NEO1: variants seen among roughly 807,000 people sequenced by gnomAD.
NEO1 encodes neogenin.
In NEO1, 63 loss-of-function variants were observed where a neutral mutation model predicts 159.7. The observed-to-expected ratio is 0.39, with a 90% CI of 0.32 to 0.49. The LOEUF (loss-of-function observed/expected upper bound fraction) is 0.49, where lower values mean the gene tolerates loss of function less well. Among genes scored for constraint, NEO1 ranks in the 20% least tolerant of loss-of-function variants. The pLI is 0.85. For synonymous variants in NEO1, 633 were observed against 662.0 expected (o/e 0.96, Z 0.67); for missense variants, 1,615 against 1,831.0 (o/e 0.88, Z 2.15).
intron 5 of NEO1, among the ~76,000 whole-genome samples, chr15:73,170,506 A>C (rs965152983): frequency 1.9e-4 from 29 of 152,234 alleles, no homozygotes; most frequent in African/African-American, 6.8e-4. Context: ...AGTCATGTGA[A>C]AAAGGACTCA....
chr15:73,120,996 T>C (rs994902381), intron 2 of NEO1, among the ~76,000 whole-genome samples: 14 of 152,176 alleles, frequency 9.2e-5, no homozygotes, highest in Non-Finnish European at 1.5e-5. Context: ...ACATATTTTT[T>C]CGGAGCCAGT....
At chr15:73,263,575 A>G (rs1479440656) in intron 15 of NEO1, among the ~76,000 whole-genome samples, 1 of 152,144 alleles carries the variant, frequency 6.6e-6, no homozygotes, top group African/African-American at 2.4e-5. Flanking sequence ...AGGTATAATT[A>G]CTTTTCCAAA....
At chr15:73,180,695 C>T (rs1479339) in intron 7 of NEO1, among the ~76,000 whole-genome samples, 49,036 of 152,014 alleles carry the variant, frequency 0.32, 9,084 homozygotes, top group Admixed American at 0.45. Flanking sequence ...ATTGGGCTTT[C>T]CTCTGAAAAT....
Position 73,052,723 on chromosome 15 carries a change from C to T in NEO1, c.48C>T (p.Phe16=), listed in dbSNP as rs2067510872. ...GGCGACTCCTCAGCACCCCCTCCTT[C>T]TGGCTCTACTGCCTGCTGCTGCTCG... ...GARRLLSTPS[F]WLYCLLLLGR... is the part of the protein sequence containing the mutation. The change falls in exon 1 of 29, where the codon TTC becomes TTT. Residue 16 remains phenylalanine (F), a synonymous_variant. Coordinates refer to ENST00000261908, the MANE Select transcript of NEO1 (RefSeq NM_002499.4). 2 of 1,352,402 alleles carry T rather than the reference C, an allele frequency of 1.5e-6. No individual in the cohort carries two copies. The highest frequency in any genetic ancestry group is 2.7e-5 in the Admixed American group (1 of 36,616). 83.8% of individuals were successfully genotyped at this position (1,352,402 alleles called of 1,614,324 possible).
rs2042696068 is a variant in NEO1 at position 73,303,600 on chromosome 15, A to T, written c.*904A>T. 6.6e-6 allele frequency: 1 copy of T among 152,084 alleles called. No homozygotes were observed. The highest frequency in any genetic ancestry group is 2.4e-5 in the African/African-American group (1 of 41,412). The allele number at this position is 152,084 out of a possible 1,614,324, so 9.4% of individuals were successfully genotyped here. A position where few individuals can be genotyped will look rare whatever the true frequency, so the allele number is the denominator to read the frequency against. On this transcript the variant is annotated 3_prime_UTR_variant, in exon 29 of 29. Transcript: ENST00000261908. ...TGCAGAGAATGGAAGCATCTTCTTT[A>T]TTGTCCTTTCCTGGCATGTCCATCC... is the stretch of plus-strand genomic sequence containing the variant.
intron 15 of NEO1, among the ~76,000 whole-genome samples, chr15:73,260,828 T>C (rs1174916523): frequency 6.6e-6 from 1 of 152,218 alleles, no homozygotes; most frequent in Admixed American, 6.5e-5. Context: ...TGCCACATTT[T>C]CCTGCTATAA....
intron 1 of NEO1, among the ~76,000 whole-genome samples, chr15:73,084,163 A>T (rs927044396): frequency 3.3e-5 from 5 of 150,068 alleles, no homozygotes; most frequent in Non-Finnish European, 5.9e-5. Flanking sequence ...AAGTATAATT[A>T]AAAAAAAAAT....
At chr15:73,231,264 A>T (rs1289128615) in intron 7 of NEO1, among the ~76,000 whole-genome samples, 1 of 152,178 alleles carries the variant, frequency 6.6e-6, no homozygotes, top group East Asian at 1.9e-4. Context: ...GATTTTTTTC[A>T]GGCACACATG....
Position 73,270,185 on chromosome 15 carries a change from C to T in NEO1, c.2670C>T (p.Tyr890=), listed in dbSNP as rs2041106511. ...ACCAGAAGATTACAGACTCCCGATA[C>T]TACACCGTCCGATGGAAAACCAACA... is the stretch of plus-strand genomic sequence containing the variant. ...PKHQKITDSR[Y]YTVRWKTNIP... Residue 890 remains tyrosine, a synonymous_variant, in exon 17 of 29, where the codon TAC becomes TAT. Transcript: ENST00000261908. The T allele has an allele frequency of 6.2e-7, 1 of 1,614,170 alleles. No homozygotes were observed. Among genetic ancestry groups the T allele is most frequent in the African/African-American group, 1.3e-5 (1 of 75,038 alleles).
At chr15:73,066,777 C>T (rs1371618670) in intron 1 of NEO1, among the ~76,000 whole-genome samples, 1 of 152,122 alleles carries the variant, frequency 6.6e-6, no homozygotes, top group Non-Finnish European at 1.5e-5. Context: ...TTTTTGTCCC[C>T]TTAGGGCTTG....
At chr15:73,278,072 AAG>A in intron 21 of NEO1, 57 bp from the exon 22 acceptor site, 1 of 1,457,166 alleles carries the variant, frequency 6.9e-7, no homozygotes, top group Non-Finnish European at 9.5e-7. Flanking sequence ...CCTAGCTATG[AAG>A]TGGACTGTCA....
chr15:73,200,371 A>AG (rs1454582776), intron 7 of NEO1, among the ~76,000 whole-genome samples: 1 of 151,074 alleles, frequency 6.6e-6, no homozygotes, highest in Non-Finnish European at 1.5e-5. Context: ...ACCTGAGCTT[A>AG]GGAGTTTAAG....
chr15:73,288,877 G>A (rs1351067921), intron 24 of NEO1, among the ~76,000 whole-genome samples: 2 of 152,130 alleles, frequency 1.3e-5, no homozygotes, highest in East Asian at 3.9e-4. Context: ...AGCTTGCATT[G>A]TGGTATTCAG....
intron 1 of NEO1, among the ~76,000 whole-genome samples, chr15:73,081,742 A>C (rs1257955417): frequency 6.6e-6 from 1 of 151,980 alleles, no homozygotes; most frequent in Non-Finnish European, 1.5e-5. Flanking sequence ...CACCTGGCTA[A>C]TTTTTAAAGT....
rs1298944041 is a variant in NEO1 at position 73,176,874 on chromosome 15, G to A, written c.1170+317G>A. On this transcript the variant is annotated intron_variant, in intron 6 of 28. Transcript: ENST00000261908. ...AGATGATTAGCACACATGTGTGTGC[G>A]TGTATGTGTGTCCCCAGTTGTCTTC... Among the ~76,000 whole-genome samples the A allele has an allele frequency of 7.9e-5, 12 of 152,282 alleles. 1 individual carries two copies. In the South Asian group the frequency reaches 2.1e-3, roughly 26 times the overall value.
intron 1 of NEO1, among the ~76,000 whole-genome samples, chr15:73,085,341 A>C (rs749246156): frequency 4.6e-5 from 7 of 152,188 alleles, no homozygotes; most frequent in Admixed American, 3.9e-4. Flanking sequence ...ATTCCATTGT[A>C]TGAATGTACC....
chr15:73,124,734 C>T (rs995048309), intron 3 of NEO1, among the ~76,000 whole-genome samples: 12 of 152,076 alleles, frequency 7.9e-5, no homozygotes, highest in African/African-American at 2.7e-4. Context: ...CTCCTTCTAC[C>T]TTCATTTTAC....
chr15:73,226,737 T>C (rs561060370), intron 7 of NEO1, among the ~76,000 whole-genome samples: 4 of 152,346 alleles, frequency 2.6e-5, no homozygotes, highest in African/African-American at 9.6e-5. Flanking sequence ...TGAACATTCC[T>C]GGGAAATAAC....
intron 1 of NEO1, among the ~76,000 whole-genome samples, chr15:73,072,771 AG>A (rs2068596845): frequency 6.6e-6 from 1 of 152,158 alleles, no homozygotes; most frequent in Non-Finnish European, 1.5e-5. Context: ...GTAGTAGCCT[AG>A]GTAGTTTACA....
Sources: gnomAD v4.1 joint callset for allele counts (sites outside exome capture counted in the v4.1 genomes callset) on GRCh38, gnomAD v4.1.1 for gene constraint, MANE v1.5 for transcripts, NCBI Gene and HGNC (gene_info 2026-07-23, HGNC 2026-07-21) for gene names.